SORCS2: variants seen among roughly 807,000 people sequenced by gnomAD.
SORCS2 encodes the protein sortilin related VPS10 domain containing receptor 2.
SORCS2 carries 100 observed loss-of-function variants against 141.6 expected under a neutral mutation model. The ratio of observed to expected loss-of-function variants is 0.71; its 90% CI spans 0.60 to 0.83. SORCS2 has a LOEUF of 0.83. Ranked by LOEUF, SORCS2 falls within the 40% of genes least tolerant of loss-of-function variation. The probability of loss-of-function intolerance (pLI) is 0.00; values close to 1 mark genes in which losing one functional copy is unlikely to be tolerated. For missense variants in SORCS2, 1,646 were observed against 1,560.2 expected (o/e 1.05, Z -0.93); for synonymous variants, 789 against 676.9 (o/e 1.17, Z -2.57).
chr4:7,619,506 A>C (rs538579622), intron 3 of SORCS2, among the ~76,000 whole-genome samples: 5 of 152,286 alleles, frequency 3.3e-5, no homozygotes, highest in African/African-American at 1.2e-4. Context: ...ACTCAGGGAC[A>C]TGAGGGACAG....
At chr4:7,617,516 T>C (rs1217165678) in intron 3 of SORCS2, among the ~76,000 whole-genome samples, 1 of 152,142 alleles carries the variant, frequency 6.6e-6, no homozygotes, top group Non-Finnish European at 1.5e-5. Flanking sequence ...CACAGCCCAA[T>C]GAGACTCTGA....
chr4:7,573,682 T>C (rs1276256905), intron 3 of SORCS2, among the ~76,000 whole-genome samples: 2 of 152,292 alleles, frequency 1.3e-5, no homozygotes, highest in East Asian at 3.9e-4. Flanking sequence ...CGCACTCTGC[T>C]TTAAGGAATT....
chr4:7,473,877 C>T (rs1431878693), intron 2 of SORCS2, among the ~76,000 whole-genome samples: 1 of 152,194 alleles, frequency 6.6e-6, no homozygotes, highest in East Asian at 1.9e-4. Flanking sequence ...TCCCCATGCC[C>T]ACTTCACCTC....
rs141384105 is a variant in SORCS2 at position 7,561,416 on chromosome 4, G to A, written c.648+29787G>A. Among the ~76,000 whole-genome samples the A allele has an allele frequency of 8.0e-4, 120 of 150,770 alleles. 1 individual carries two copies. Among genetic ancestry groups the A allele is most frequent in the African/African-American group, 2.9e-3 (117 of 40,972 alleles). On this transcript the variant is annotated intron_variant, in intron 3 of 26. Coordinates refer to ENST00000507866, the MANE Select transcript of SORCS2 (RefSeq NM_020777.3). ...TACATCCATCTACCCATCCATCCATGTATCCATTCATCCATCTACCTATTC... is the reference window on the plus strand; with the variant it reads ...TACATCCATCTACCCATCCATCCATATATCCATTCATCCATCTACCTATTC...
At chr4:7,447,742 G>A (rs1728090806) in intron 2 of SORCS2, among the ~76,000 whole-genome samples, 1 of 152,148 alleles carries the variant, frequency 6.6e-6, no homozygotes, top group Admixed American at 6.5e-5. Context: ...TTGGAAGACG[G>A]AGCCGGGCAT....
chr4:7,429,849 C>G (rs867222206), intron 2 of SORCS2, among the ~76,000 whole-genome samples: 1 of 152,220 alleles, frequency 6.6e-6, no homozygotes, highest in South Asian at 2.1e-4. Flanking sequence ...TTTAACCTCT[C>G]TGGTTTCAGC....
intron 3 of SORCS2, 38 bp from the exon 4 acceptor site, chr4:7,638,290 C>T (rs1455972211): frequency 3.4e-6 from 5 of 1,489,760 alleles, no homozygotes; most frequent in Non-Finnish European, 3.6e-6. Flanking sequence ...GGGAGAGGGG[C>T]ACCTGGCCCA....
intron 3 of SORCS2, among the ~76,000 whole-genome samples, chr4:7,634,226 T>G (rs999439894): frequency 3.3e-5 from 5 of 152,056 alleles, no homozygotes; most frequent in African/African-American, 4.8e-5. Context: ...ATACAAAAAT[T>G]AGCCAGGCAT....
intron 11 of SORCS2, among the ~76,000 whole-genome samples, chr4:7,691,630 T>C (rs1047405213): frequency 3.3e-5 from 5 of 151,958 alleles, no homozygotes; most frequent in African/African-American, 7.3e-5. Flanking sequence ...TCAACGAAAA[T>C]GTGACCCATC....
intron 1 of SORCS2, among the ~76,000 whole-genome samples, chr4:7,226,937 G>A (rs1486618359): frequency 6.6e-6 from 1 of 152,178 alleles, no homozygotes; most frequent in Non-Finnish European, 1.5e-5. Flanking sequence ...TGAGTTCCTC[G>A]ATGCCGCCAT....
chr4:7,366,766 C>T (rs1321367766), intron 1 of SORCS2, among the ~76,000 whole-genome samples: 1 of 152,068 alleles, frequency 6.6e-6, no homozygotes, highest in East Asian at 1.9e-4. Context: ...ATGTCTACCC[C>T]CCCAACCCCC....
chr4:7,502,657 A>G (rs1248487406), intron 2 of SORCS2, among the ~76,000 whole-genome samples: 6 of 152,206 alleles, frequency 3.9e-5, no homozygotes, highest in Non-Finnish European at 7.3e-5. Context: ...TACACGTGAG[A>G]TGCAGAGAAC....
chr4:7,669,820 G>A (rs1167516790), intron 8 of SORCS2, among the ~76,000 whole-genome samples: 1 of 152,064 alleles, frequency 6.6e-6, no homozygotes, highest in Non-Finnish European at 1.5e-5. Context: ...AGCAGTCCTG[G>A]GTCTCCAGCC....
At chr4:7,287,214 T>C (rs1716284346) in intron 1 of SORCS2, among the ~76,000 whole-genome samples, 1 of 152,146 alleles carries the variant, frequency 6.6e-6, no homozygotes, top group Non-Finnish European at 1.5e-5. Context: ...ATGAGAAAGA[T>C]CAAGGACCCA....
rs758765883 is a variant in SORCS2, at chr4:7,697,246, C to T, written c.1640C>T (p.Thr547Met). 4 of 1,591,610 alleles carry T rather than the reference C, an allele frequency of 2.5e-6. No individual in the cohort carries two copies. The highest frequency in any genetic ancestry group is 2.6e-6 in the Non-Finnish European group (3 of 1,169,434). Residue 547 changes from threonine (T) to methionine (M), a missense_variant, in exon 12 of 27, where the codon ACG becomes ATG. Coordinates refer to ENST00000507866, the MANE Select transcript of SORCS2 (RefSeq NM_020777.3). ...LVEYKEEMYI[T>M]SDCGHTWRQV... ...GAATATAAAGAAGAAATGTACATCA[C>T]GTCAGACTGTGGTCACACCTGGCGG...
At chr4:7,388,833 A>AC (rs1474291755) in intron 1 of SORCS2, among the ~76,000 whole-genome samples, 1 of 151,772 alleles carries the variant, frequency 6.6e-6, no homozygotes, top group Non-Finnish European at 1.5e-5. Context: ...AGTGGTGAGC[A>AC]CCCCCGGCGA....
At chr4:7,470,316 C>G (rs1180824960) in intron 2 of SORCS2, among the ~76,000 whole-genome samples, 1 of 151,828 alleles carries the variant, frequency 6.6e-6, no homozygotes. Flanking sequence ...TATTCTCCCA[C>G]CTTCCCATCC....
At chr4:7,670,760 C>A (rs949773424) in intron 8 of SORCS2, among the ~76,000 whole-genome samples, 2 of 152,146 alleles carry the variant, frequency 1.3e-5, no homozygotes, top group Non-Finnish European at 2.9e-5. Flanking sequence ...GGCCCCATGG[C>A]AGGCAAATGT....
intron 3 of SORCS2, among the ~76,000 whole-genome samples, chr4:7,637,984 G>A (rs1363583326): frequency 6.6e-6 from 1 of 152,100 alleles, no homozygotes; most frequent in Non-Finnish European, 1.5e-5. Flanking sequence ...AGACGAATGA[G>A]TGAATAGCTA....
Sources: allele counts gnomAD v4.1 joint callset (sites outside exome capture counted in the v4.1 genomes callset), GRCh38; gene constraint gnomAD v4.1.1; transcripts MANE v1.5; gene names NCBI Gene and HGNC (gene_info 2026-07-23, HGNC 2026-07-21).